The following MBD5 variants were observed in gnomAD, a reference collection of about 807,000 sequenced individuals.
The protein encoded by MBD5 is methyl-CpG binding domain protein 5, also known as methyl-CpG-binding domain protein 5.
In MBD5, 13 loss-of-function variants were observed where a neutral mutation model predicts 117.3. The ratio of observed to expected loss-of-function variants is 0.11; its 90% confidence interval spans 0.07 to 0.18. The LOEUF (loss-of-function observed/expected upper bound fraction) is 0.18. MBD5 is among the 10% of genes least tolerant of loss of function. The probability of loss-of-function intolerance (pLI) is 1.00; values close to 1 mark genes in which losing one functional copy is unlikely to be tolerated. For missense variants in MBD5, 1,879 were observed against 2,093.8 expected (o/e 0.90, Z 2.00); for synonymous variants, 727 against 766.4 (o/e 0.95, Z 0.85).
In MBD5 at chr2:148,236,384, G is replaced by A. The variant is rs565822479; in HGVS notation, c.-680+2989G>A. Among the ~76,000 whole-genome samples, 552 of 152,230 alleles carry A rather than the reference G, an allele frequency of 3.6e-3. 7 individuals are homozygous for A. The highest frequency in any genetic ancestry group is 0.013 in the African/African-American group (525 of 41,560). On this transcript the variant is annotated intron_variant, in intron 3 of 13. Coordinates refer to ENST00000642680, the MANE Select transcript of MBD5 (RefSeq NM_001378120.1). ...TTCTTAAGTAGACTTGAAAGTCGAT[G>A]GACTTTTCAAGTTAGAAGAGTTGAT...
chr2:148,090,719 A>G (rs1252391290), intron 1 of MBD5, among the ~76,000 whole-genome samples: 1 of 152,178 alleles, frequency 6.6e-6, no homozygotes, highest in Non-Finnish European at 1.5e-5. Flanking sequence ...CATGTATGAC[A>G]AACTCACAGC....
rs1341554170 is a variant in MBD5 at position 148,463,812 on chromosome 2, C to T, written c.290C>T (p.Thr97Ile). ...GATGTTAAGGCAGATGAAGATGTCA[C>T]AAAGCTATGCATACATAAAAGAAAA... ...AEDVKADEDV[T>I]KLCIHKRKII... The change falls in exon 7 of 14, where the codon ACA becomes ATA. Residue 97 changes from threonine to isoleucine, a missense_variant. Around this residue, in one of 4 missense-constraint regions of MBD5, gnomAD observed 71 missense variants for 129.2 expected, o/e 0.55. Coordinates refer to ENST00000642680, the MANE Select transcript of MBD5 (RefSeq NM_001378120.1). The T allele has an allele frequency of 6.2e-7, 1 of 1,613,730 alleles. No homozygotes were observed. The highest frequency in any genetic ancestry group is 1.1e-5 in the South Asian group (1 of 91,064).
Position 148,021,511 on chromosome 2 carries a change from C to A in MBD5, c.-1098C>A. 1.7e-6 allele frequency: 1 copy of A among 576,700 alleles called. No homozygotes were observed. The allele number at this position is 576,700 out of a possible 1,614,324, so 35.7% of individuals were successfully genotyped here. On this transcript the variant is annotated 5_prime_UTR_variant, in exon 1 of 14. Coordinates refer to ENST00000642680, the MANE Select transcript of MBD5 (RefSeq NM_001378120.1). ...GCTGCTGCTGCTACTGCTGCTGCTG[C>A]TACTGCTGCTGCTTGGCCCTGGCTG...
At chr2:148,188,914 C>T (rs1254843570) in intron 2 of MBD5, among the ~76,000 whole-genome samples, 1 of 151,672 alleles carries the variant, frequency 6.6e-6, no homozygotes, top group Non-Finnish European at 1.5e-5. Context: ...CGTGCGCGAG[C>T]CGAAGCAGGG....
At chr2:148,282,099 CT>C (rs1559003993) in intron 3 of MBD5, among the ~76,000 whole-genome samples, 1 of 151,992 alleles carries the variant, frequency 6.6e-6, no homozygotes, top group African/African-American at 2.4e-5. Flanking sequence ...TTCTGTTATA[CT>C]TTTTCAATAA....
intron 3 of MBD5, among the ~76,000 whole-genome samples, chr2:148,326,090 T>G (rs1225720437): frequency 6.6e-6 from 1 of 152,238 alleles, no homozygotes; most frequent in Non-Finnish European, 1.5e-5. Context: ...CATTTCGTTA[T>G]GTACCCAGTA....
intron 3 of MBD5, among the ~76,000 whole-genome samples, chr2:148,334,566 T>C (rs1254497051): frequency 6.6e-6 from 1 of 152,148 alleles, no homozygotes; most frequent in Admixed American, 6.5e-5. Context: ...GCTCCTGGTC[T>C]CAAGTGATCC....
At chr2:148,028,597 A>C (rs902271394) in intron 1 of MBD5, 1 of 152,046 alleles carries the variant, frequency 6.6e-6, no homozygotes, top group Admixed American at 6.5e-5. Flanking sequence ...TTAGGATCTA[A>C]AAATAATAAT....
intron 1 of MBD5, among the ~76,000 whole-genome samples, chr2:148,118,357 C>A (rs1574032861): frequency 2.0e-5 from 3 of 152,054 alleles, no homozygotes; most frequent in Admixed American, 2.0e-4. Context: ...TGCATGCAGT[C>A]CCATCTACTT....
intron 1 of MBD5, among the ~76,000 whole-genome samples, chr2:148,049,426 A>G (rs567040244): frequency 3.5e-4 from 53 of 152,270 alleles, no homozygotes; most frequent in African/African-American, 1.2e-3. Flanking sequence ...GGACTATGGC[A>G]ATATCTTTTG....
Position 148,311,802 on chromosome 2 carries a change from G to C in MBD5, c.-679-30412G>C, listed in dbSNP as rs190620057. On this transcript the variant is annotated intron_variant, in intron 3 of 13. Coordinates refer to ENST00000642680, the MANE Select transcript of MBD5 (RefSeq NM_001378120.1). Reference sequence around the variant, plus strand: ...TGGCTGATACCGGTTTTTCCTTTCCGTATTTAGTGCTTCCTTCAGGAGCTC... The same window carrying C: ...TGGCTGATACCGGTTTTTCCTTTCCCTATTTAGTGCTTCCTTCAGGAGCTC... 2.1e-4 allele frequency among the ~76,000 whole-genome samples: 32 copies of C among 152,144 alleles called. No homozygotes were observed. In the East Asian group the frequency reaches 2.5e-3, roughly 12 times the overall value.
At chr2:148,109,030 A>G (rs918787080) in intron 1 of MBD5, among the ~76,000 whole-genome samples, 1 of 152,214 alleles carries the variant, frequency 6.6e-6, no homozygotes, top group African/African-American at 2.4e-5. Context: ...TGAACATTCA[A>G]GAATTCAAAT....
intron 1 of MBD5, among the ~76,000 whole-genome samples, chr2:148,080,451 T>A (rs572025813): frequency 1.3e-5 from 2 of 152,314 alleles, no homozygotes; most frequent in Non-Finnish European, 2.9e-5. Flanking sequence ...TACATATTCA[T>A]GATAATATGA....
chr2:148,123,080 C>A (rs751911201), intron 1 of MBD5, among the ~76,000 whole-genome samples: 8 of 152,156 alleles, frequency 5.3e-5, no homozygotes, highest in Non-Finnish European at 8.8e-5. Context: ...CTCTTCCTAT[C>A]TTTTACCTCC....
intron 1 of MBD5, among the ~76,000 whole-genome samples, chr2:148,150,135 A>G: frequency 7.7e-6 from 1 of 130,424 alleles, no homozygotes. Context: ...TAAGGAAGGG[A>G]TCCAGTTTCA....
At chr2:148,398,361 G>T (rs1022667579) in intron 4 of MBD5, among the ~76,000 whole-genome samples, 5 of 151,156 alleles carry the variant, frequency 3.3e-5, no homozygotes, top group African/African-American at 1.2e-4. Context: ...TGGTGAGATG[G>T]TATCTCATTG....
chr2:148,298,687 A>G (rs1268769118), intron 3 of MBD5, among the ~76,000 whole-genome samples: 2 of 152,190 alleles, frequency 1.3e-5, no homozygotes, highest in East Asian at 1.9e-4. Flanking sequence ...TTATTACTGT[A>G]TGATTTATAA....
At chr2:148,426,318 A>G (rs182009336) in intron 4 of MBD5, among the ~76,000 whole-genome samples, 7,440 of 152,244 alleles carry the variant, frequency 0.049, 336 homozygotes, top group Admixed American at 0.097. Context: ...GTTCATATGG[A>G]ACCAAAAAAG....
intron 4 of MBD5, among the ~76,000 whole-genome samples, chr2:148,406,552 G>T (rs986286567): frequency 1.3e-5 from 2 of 152,114 alleles, no homozygotes; most frequent in Non-Finnish European, 2.9e-5. Flanking sequence ...CACTCCTCTT[G>T]CTTATACTCT....
Sources: gnomAD v4.1 joint callset for allele counts (sites outside exome capture counted in the v4.1 genomes callset) on GRCh38, gnomAD v4.1.1 for gene constraint, gnomAD v4.1.1 regional missense constraint, MANE v1.5 for transcripts, NCBI Gene and HGNC (gene_info 2026-07-23, HGNC 2026-07-21) for gene names.